The following PHIP variants were observed in gnomAD, a reference collection of about 807,000 sequenced individuals.
The protein encoded by PHIP is PH-interacting protein.
In PHIP, 54 loss-of-function variants were observed where a neutral mutation model predicts 236.8. That is an observed-to-expected ratio of 0.23 (90% CI 0.18 to 0.29). PHIP has a LOEUF of 0.29. Among genes scored for constraint, PHIP ranks in the 10% least tolerant of loss-of-function variants. The probability of loss-of-function intolerance (pLI) is 1.00; values close to 1 mark genes in which losing one functional copy is unlikely to be tolerated. For missense variants in PHIP, 1,370 were observed against 2,190.8 expected (o/e 0.63, Z 7.48); for synonymous variants, 756 against 718.9 (o/e 1.05, Z -0.83).
intron 7 of PHIP, among the ~76,000 whole-genome samples, chr6:79,037,964 T>C (rs1474502217): frequency 6.6e-6 from 1 of 152,238 alleles, no homozygotes; most frequent in Admixed American, 6.5e-5. Context: ...ATACAATGTA[T>C]TAGAAGCACA....
chr6:78,993,220 G>A (rs140963382), intron 19 of PHIP, among the ~76,000 whole-genome samples: 1 of 152,230 alleles, frequency 6.6e-6, no homozygotes, highest in African/African-American at 2.4e-5. Flanking sequence ...GCTAGCAGAG[G>A]TTGGTTCATG....
intron 29 of PHIP, among the ~76,000 whole-genome samples, chr6:78,963,795 C>T (rs1394864267): frequency 6.6e-6 from 1 of 152,142 alleles, no homozygotes; most frequent in Admixed American, 6.5e-5. Context: ...TAGAGGGTTG[C>T]GGTAACCCAA....
At chr6:79,071,956 AAAG>A (rs1349083753) in intron 4 of PHIP, among the ~76,000 whole-genome samples, 2 of 151,942 alleles carry the variant, frequency 1.3e-5, no homozygotes, top group Admixed American at 6.6e-5. Context: ...TGAAAAAAAA[AAAG>A]AAAACCAAAA....
At chr6:78,963,348 A>T in intron 29 of PHIP, 96 bp from the exon 30 acceptor site, 1 of 904,372 alleles carries the variant, frequency 1.1e-6, no homozygotes, top group Non-Finnish European at 1.7e-6. Flanking sequence ...AAATTAAAGT[A>T]TATTTTGTAT....
Position 79,037,986 on chromosome 6 carries a change from C to T in PHIP, c.600+4857G>A, listed in dbSNP as rs1033793803. 2.0e-5 allele frequency among the ~76,000 whole-genome samples: 3 copies of T among 152,198 alleles called. No individual in the cohort carries two copies. In the South Asian group the frequency reaches 6.2e-4, roughly 32 times the overall value. On this transcript the variant is annotated intron_variant, in intron 7 of 39. Transcript: ENST00000275034. Reference sequence around the variant, plus strand: ...GTATTAGAAGCACAAAGTTAAGCGGCAGTACTCCACATTCAGAATACAGAC... The same window carrying T: ...GTATTAGAAGCACAAAGTTAAGCGGTAGTACTCCACATTCAGAATACAGAC...
chr6:78,995,201 G>C (rs1198538860), intron 19 of PHIP, among the ~76,000 whole-genome samples: 1 of 152,150 alleles, frequency 6.6e-6, no homozygotes, highest in Non-Finnish European at 1.5e-5. Context: ...TCAATATGCT[G>C]TTCCTTTTTA....
chr6:78,980,107 G>A (rs531968380), intron 23 of PHIP, among the ~76,000 whole-genome samples: 1 of 152,130 alleles, frequency 6.6e-6, no homozygotes, highest in Non-Finnish European at 1.5e-5. Context: ...CACTCTGGAT[G>A]CATCAAAACA....
At position 78,983,946 on chromosome 6, in the gene PHIP, TTTAC is replaced by T. The variant is rs528665687; in HGVS notation, c.2538-833_2538-830del. Reference sequence around the variant, plus strand: ...ATATTAATTTTAGTATGTGAGCATATTTACTTATTTTGTACAATTTTATGAACAT... The same window carrying T: ...ATATTAATTTTAGTATGTGAGCATATTTATTTTGTACAATTTTATGAACAT... On this transcript the variant is annotated intron_variant, in intron 22 of 39. Coordinates refer to ENST00000275034, the MANE Select transcript of PHIP (RefSeq NM_017934.7). Among the ~76,000 whole-genome samples the T allele has an allele frequency of 6.4e-4, 98 of 152,306 alleles. 1 individual carries two copies. The South Asian group carries it at 8.1e-3, about 13-fold the overall frequency.
chr6:79,052,305 G>A (rs1772834466), intron 6 of PHIP, among the ~76,000 whole-genome samples: 1 of 152,158 alleles, frequency 6.6e-6, no homozygotes, highest in African/African-American at 2.4e-5. Flanking sequence ...GAAACAGCAT[G>A]TGCAATAGCC....
In PHIP at chr6:78,940,976, T is replaced by A; in HGVS notation, c.5183A>T (p.Asp1728Val). 1.9e-6 allele frequency: 3 copies of A among 1,613,888 alleles called. No homozygotes were observed. Among genetic ancestry groups the A allele is most frequent in the South Asian group, 2.2e-5 (2 of 91,074 alleles). Residue 1728 changes from aspartate (D) to valine (V), a missense_variant, in exon 40 of 40, where the codon GAT (aspartate) becomes GTT (valine). By Grantham distance (152) the Asp-to-Val change is radical. Around this residue, in one of 14 missense-constraint regions of PHIP, gnomAD observed 309 missense variants for 328.3 expected, o/e 0.94. Coordinates refer to ENST00000275034, the MANE Select transcript of PHIP (RefSeq NM_017934.7). ...TTTGACACTTGCAGGGACTAGGAGA[T>A]CTGCATCTAATTTTTGTGTCTTCAT... The part of the protein sequence containing the change: ...RKMKTQKLDA[D>V]LLVPASVKVL...
At chr6:79,021,820 A>G (rs1242640023) in intron 9 of PHIP, among the ~76,000 whole-genome samples, 1 of 152,164 alleles carries the variant, frequency 6.6e-6, no homozygotes, top group African/African-American at 2.4e-5. Context: ...ATAGCACAAC[A>G]GGGTAACTAT....
rs1774292092 is a variant in PHIP, at chr6:79,078,193, C to G, written c.-125G>C. Reference sequence around the variant, plus strand: ...CGAGCCGAGCTTCGGCTCCACCATTCAAGCAACGGCGGCGGAGGCGGAGGA... The same window carrying G: ...CGAGCCGAGCTTCGGCTCCACCATTGAAGCAACGGCGGCGGAGGCGGAGGA... On this transcript the variant is annotated 5_prime_UTR_variant, in exon 1 of 40. Coordinates refer to ENST00000275034, the MANE Select transcript of PHIP (RefSeq NM_017934.7). The G allele has an allele frequency of 2.2e-6, 2 of 902,854 alleles. No homozygotes were observed. The highest frequency in any genetic ancestry group is 1.6e-5 in the South Asian group (1 of 64,392). 55.9% of individuals were successfully genotyped at this position (902,854 alleles called of 1,614,324 possible).
At chr6:79,060,623 A>C in intron 5 of PHIP, 45 bp downstream of exon 5, 1 of 1,608,062 alleles carries the variant, frequency 6.2e-7, no homozygotes. Context: ...ACAAAAACAA[A>C]AGTGAGATAA....
intron 9 of PHIP, among the ~76,000 whole-genome samples, chr6:79,021,720 C>T (rs1414194046): frequency 6.6e-6 from 1 of 151,910 alleles, no homozygotes; most frequent in African/African-American, 2.4e-5. Flanking sequence ...CTATTATAGG[C>T]TGGGAAAGGT....
At chr6:79,007,986 C>G (rs1770377241) in intron 15 of PHIP, among the ~76,000 whole-genome samples, 1 of 152,064 alleles carries the variant, frequency 6.6e-6, no homozygotes. Flanking sequence ...AGCCCTGTCT[C>G]TACTAAAAAC....
intron 24 of PHIP, among the ~76,000 whole-genome samples, chr6:78,973,440 C>A (rs1767773766): frequency 7.0e-6 from 1 of 142,754 alleles, no homozygotes; most frequent in Non-Finnish European, 1.5e-5. Flanking sequence ...AATGTAAAGA[C>A]CATCGAGACT....
At chr6:79,033,742 C>G (rs1771783841) in intron 7 of PHIP, among the ~76,000 whole-genome samples, 2 of 152,138 alleles carry the variant, frequency 1.3e-5, no homozygotes, top group Admixed American at 1.3e-4. Context: ...ACTGGAGTAG[C>G]ACGTTTAATT....
intron 39 of PHIP, among the ~76,000 whole-genome samples, chr6:78,941,786 C>A (rs1773513692): frequency 6.6e-6 from 1 of 152,126 alleles, no homozygotes; most frequent in Non-Finnish European, 1.5e-5. Flanking sequence ...CTAGGAAATA[C>A]TGATTATATA....
At chr6:79,060,115 A>C (rs530097736) in intron 6 of PHIP, among the ~76,000 whole-genome samples, 15 of 152,188 alleles carry the variant, frequency 9.9e-5, no homozygotes, top group African/African-American at 3.6e-4. Flanking sequence ...AGAAAAAAAA[A>C]AAAAAGTACT....
Sources: gnomAD v4.1 joint callset for allele counts (sites outside exome capture counted in the v4.1 genomes callset) on GRCh38, gnomAD v4.1.1 for gene constraint, gnomAD v4.1.1 regional missense constraint, MANE v1.5 for transcripts, NCBI Gene and HGNC (gene_info 2026-07-23, HGNC 2026-07-21) for gene names.